CTC1: variants seen among roughly 807,000 people sequenced by gnomAD.
CTC1 encodes CST telomere replication complex component 1, also known as CST complex subunit CTC1.
CTC1 carries 91 observed loss-of-function variants against 136.3 expected under a neutral mutation model. The ratio of observed to expected loss-of-function variants is 0.67; its 90% CI spans 0.56 to 0.79. The LOEUF is 0.79. Among genes scored for constraint, CTC1 ranks in the 30% least tolerant of loss-of-function variants. The probability of loss-of-function intolerance (pLI) is 0.00; values close to 1 mark genes in which losing one functional copy is unlikely to be tolerated. For missense variants in CTC1, 1,432 were observed against 1,498.1 expected (o/e 0.96, Z 0.73); for synonymous variants, 606 against 613.8 (o/e 0.99, Z 0.19).
chr17:8,230,681 G>A (rs1406422107), intron 15 of CTC1, 30 bp from the exon 16 acceptor site: 2 of 1,581,348 alleles, frequency 1.3e-6, no homozygotes, highest in Non-Finnish European at 1.7e-6. Context: ...CACTGAGAAT[G>A]GAGGCACAAG....
intron 2 of CTC1, among the ~76,000 whole-genome samples, chr17:8,240,363 C>T (rs1988111956): frequency 6.6e-6 from 1 of 151,070 alleles, no homozygotes; most frequent in Non-Finnish European, 1.5e-5. Flanking sequence ...ACCATGCTGG[C>T]CAGGCTGGTC....
chr17:8,224,989 C>A lies in CTC1; in HGVS notation c.*3191G>T, dbSNP rs1439246420. The stretch of plus-strand genomic sequence containing the variant: ...AGTAGCTAGGACTGCAGGCGCCTGC[C>A]ACCACGCCTGGCTAATTTTTTGCAT... On this transcript the variant is annotated 3_prime_UTR_variant, in exon 23 of 23. Transcript: ENST00000651323. 1 of 152,164 alleles carries A rather than the reference C, an allele frequency of 6.6e-6. No individual in the cohort carries two copies. The highest frequency in any genetic ancestry group is 2.4e-5 in the African/African-American group (1 of 41,416). 9.4% of individuals were successfully genotyped at this position (152,164 alleles called of 1,614,324 possible).
chr17:8,243,451 G>A lies in CTC1; in HGVS notation c.34-303C>T, dbSNP rs567293459. ...GGAGAATTGCTTGAACCCAGGAGGC[G>A]GAGGTTGTGGTGAGCCAAGATCGAG... On this transcript the variant is annotated intron_variant, in intron 1 of 22. Transcript: ENST00000651323. Among the ~76,000 whole-genome samples the A allele has an allele frequency of 5.3e-4, 80 of 151,842 alleles. 1 individual carries two copies. Among genetic ancestry groups the A allele is most frequent in the African/African-American group, 1.8e-3 (74 of 41,374 alleles).
rs756788966 is a variant in CTC1, at chr17:8,237,503, C to T, written c.664G>A (p.Val222Met). 4 of 1,613,714 alleles carry T rather than the reference C, an allele frequency of 2.5e-6. No individual in the cohort carries two copies. The highest frequency in any genetic ancestry group is 3.4e-6 in the Non-Finnish European group (4 of 1,179,954). The stretch of plus-strand genomic sequence containing the variant: ...AGACTCCCAGCCAGGTTTCGCTGCA[C>T]ACCTCTGAGCTTGTTTCTAAGAAGG... ...LLRLRNKLRG[V>M]QRNLAGSLVR... The change falls in exon 5 of 23, where the codon GTG (valine) becomes ATG (methionine). Residue 222 changes from valine to methionine, a missense_variant. Coordinates refer to ENST00000651323, the MANE Select transcript of CTC1 (RefSeq NM_025099.6).
intron 7 of CTC1, 53 bp from the exon 8 acceptor site, chr17:8,235,338 G>T: frequency 7.2e-7 from 1 of 1,391,332 alleles, no homozygotes; most frequent in Non-Finnish European, 1.0e-6. Context: ...CCAACTCAAT[G>T]AACCCAGGCA....
rs387907080 is a variant in CTC1 at position 8,237,392 on chromosome 17, C to T, written c.775G>A (p.Val259Met). 5.6e-6 allele frequency: 9 copies of T among 1,614,004 alleles called. No individual in the cohort carries two copies. Among genetic ancestry groups the T allele is most frequent in the Admixed American group, 5.0e-5 (3 of 59,988 alleles). ...LGRSHPAVTH[V>M]SIIVQVPAQL... Reference sequence around the variant, plus strand: ...GTCCTCACCTGCACGATGATGGACACGTGGGTGACAGCTGGGTGTGATCTA... The same window carrying T: ...GTCCTCACCTGCACGATGATGGACATGTGGGTGACAGCTGGGTGTGATCTA... The change falls in exon 5 of 23, where the codon GTG becomes ATG. Residue 259 changes from valine (V) to methionine (M), a missense_variant. Transcript: ENST00000651323.
At position 8,238,055 on chromosome 17, in the gene CTC1, C is replaced by T. The variant is rs1987897880; in HGVS notation, c.623G>A (p.Ser208Asn). The T allele has an allele frequency of 1.2e-6, 2 of 1,613,982 alleles. No homozygotes were observed. Among genetic ancestry groups the T allele is most frequent in the Non-Finnish European group, 1.7e-6 (2 of 1,179,908 alleles). Reference sequence around the variant, plus strand: ...CCTGAGCCTGAGCAGGCAGGAAGCACTCTCTGGGTAGAGGACAGGGATAGG... The same window carrying T: ...CCTGAGCCTGAGCAGGCAGGAAGCATTCTCTGGGTAGAGGACAGGGATAGG... ...VTPIPVLYPE[S>N]ASCLLRLRNK... The change falls in exon 4 of 23, where the codon AGT becomes AAT. Residue 208 changes from serine to asparagine, a missense_variant. Ser to Asn is a conservative substitution (Grantham distance 46, BLOSUM62 1). Transcript: ENST00000651323.
chr17:8,239,384 T>C (rs1224330548), intron 2 of CTC1, among the ~76,000 whole-genome samples: 1 of 152,148 alleles, frequency 6.6e-6, no homozygotes, highest in African/African-American at 2.4e-5. Context: ...TAGTCTAGAA[T>C]AGCACAGTAC....
intron 12 of CTC1, 40 bp downstream of exon 12, chr17:8,232,320 TC>T (rs750523831): frequency 1.9e-6 from 3 of 1,591,214 alleles, no homozygotes; most frequent in South Asian, 2.2e-5. Context: ...GGCCCTTCCT[TC>T]CCCCCAGACT....
At chr17:8,231,202 T>A in intron 15 of CTC1, 74 bp downstream of exon 15, 1 of 1,208,498 alleles carries the variant, frequency 8.3e-7, no homozygotes, top group South Asian at 1.7e-5. Flanking sequence ...GAAAATGAAG[T>A]CTTCACCAAA....
At position 8,226,369 on chromosome 17, in the gene CTC1, C is replaced by G. The variant is rs1986668785; in HGVS notation, c.*1811G>C. ...AGAATATAGAGCTAGGAACCCGGAC[C>G]GAGCTTTTTCAGATCTTTCTAGAAC... On this transcript the variant is annotated 3_prime_UTR_variant, in exon 23 of 23. Coordinates refer to ENST00000651323, the MANE Select transcript of CTC1 (RefSeq NM_025099.6). 1 of 152,138 alleles carries G rather than the reference C, an allele frequency of 6.6e-6. No homozygotes were observed. The highest frequency in any genetic ancestry group is 1.5e-5 in the Non-Finnish European group (1 of 68,036). 9.4% of individuals were successfully genotyped at this position (152,138 alleles called of 1,614,324 possible).
chr17:8,229,607 G>C (rs1987039884), intron 18 of CTC1, among the ~76,000 whole-genome samples, 161 bp from the exon 19 acceptor site: 1 of 152,188 alleles, frequency 6.6e-6, no homozygotes, highest in South Asian at 2.1e-4. Flanking sequence ...CCTGATCTCT[G>C]ATAGTCATTG....
rs747574053 is a variant in CTC1 at position 8,234,819 on chromosome 17, G to A, written c.1547C>T (p.Pro516Leu). ...LLAPTLDLLA[P>L]PGSPVRNAHN... ...TGCATTCCGAACAGGGCTGCCTGGC[G>A]GAGCTAGAAGATCCAGGGTAGGAGC... is the stretch of plus-strand genomic sequence containing the variant. Residue 516 changes from proline to leucine, a missense_variant, in exon 9 of 23, where the codon CCG (proline) becomes CTG (leucine). Coordinates refer to ENST00000651323, the MANE Select transcript of CTC1 (RefSeq NM_025099.6). The A allele has an allele frequency of 5.6e-6, 9 of 1,613,094 alleles. No individual in the cohort carries two copies. The highest frequency in any genetic ancestry group is 4.5e-5 in the East Asian group (2 of 44,894).
At chr17:8,244,611 C>T (rs964653692) in intron 1 of CTC1, among the ~76,000 whole-genome samples, 1 of 152,074 alleles carries the variant, frequency 6.6e-6, no homozygotes, top group South Asian at 2.1e-4. Context: ...CCGCAACCTC[C>T]GCCTTCCGGG....
In CTC1 at chr17:8,234,763, A is replaced by G. The variant is rs1987552463; in HGVS notation, c.1603T>C (p.Cys535Arg). The G allele has an allele frequency of 1.5e-5, 24 of 1,596,304 alleles. No homozygotes were observed. The highest frequency in any genetic ancestry group is 2.0e-5 in the Non-Finnish European group (23 of 1,170,242). ...HNEILEEPHH[C>R]PLQKYTRLQT... ...CATCCTCATACTTTCTGGAGGGGAC[A>G]GTGATGTGGCTCTTCAAGGATCTCA... Residue 535 changes from cysteine to arginine, a missense_variant, in exon 9 of 23, where the codon TGT (cysteine) becomes CGT (arginine). Cys to Arg is a radical substitution (Grantham distance 180, BLOSUM62 -3). Transcript: ENST00000651323.
rs71159568 is a variant in CTC1, at chr17:8,237,665, CAAAAAAAAAAAAAAAAAAAAAAA to C, written c.648-169_648-147del. ...GGGCAGCAGGAGTGAAACTACGTCT[CAAAAAAAAAAAAAAAAAAAAAAA>C]AAAAAAAAAAAAAAGCAGCAGCAGT... On this transcript the variant is annotated intron_variant, in intron 4 of 22. Transcript: ENST00000651323. 1.7e-3 allele frequency: 101 copies of C among 58,368 alleles called. 2 individuals are homozygous for C. The highest frequency in any genetic ancestry group is 2.7e-3 in the Non-Finnish European group (87 of 31,738). The allele number at this position is 58,368 out of a possible 1,614,324, so 3.6% of individuals were successfully genotyped here.
At chr17:8,245,135 A>G (rs187258337) in intron 1 of CTC1, among the ~76,000 whole-genome samples, 26 of 152,266 alleles carry the variant, frequency 1.7e-4, no homozygotes, top group Admixed American at 9.2e-4. Context: ...AATAACAGAC[A>G]CTGGGTCCTA....
In CTC1 at chr17:8,225,659, G is replaced by C. The variant is rs1386058127; in HGVS notation, c.*2521C>G. The stretch of plus-strand genomic sequence containing the variant: ...TCTGCACCCTGCTGCACGAAACCTG[G>C]TGCCAGGCCAGGCCAGGCCAGCCGG... On this transcript the variant is annotated 3_prime_UTR_variant, in exon 23 of 23. Coordinates refer to ENST00000651323, the MANE Select transcript of CTC1 (RefSeq NM_025099.6). 6.6e-6 allele frequency: 1 copy of C among 152,108 alleles called. No homozygotes were observed. Among genetic ancestry groups the C allele is most frequent in the Non-Finnish European group, 1.5e-5 (1 of 68,074 alleles). The allele number at this position is 152,108 out of a possible 1,614,324, so 9.4% of individuals were successfully genotyped here.
intron 18 of CTC1, 56 bp downstream of exon 18, chr17:8,229,835 G>T: frequency 7.1e-7 from 1 of 1,399,336 alleles, no homozygotes; most frequent in Non-Finnish European, 1.0e-6. Flanking sequence ...CCAGGGACAT[G>T]TGGGAGATGC....
Sources: gnomAD v4.1 joint callset for allele counts (sites outside exome capture counted in the v4.1 genomes callset) on GRCh38, gnomAD v4.1.1 for gene constraint, MANE v1.5 for transcripts, NCBI Gene and HGNC (gene_info 2026-07-23, HGNC 2026-07-21) for gene names.